Variants in MGAT5 observed in about 807,000 individuals in gnomAD.
The protein encoded by MGAT5 is alpha-1,6-mannosylglycoprotein 6-beta-N-acetylglucosaminyltransferase A.
MGAT5 carries 30 observed loss-of-function variants against 94.3 expected under a neutral mutation model. That is an observed-to-expected ratio of 0.32 (90% CI 0.24 to 0.43). The LOEUF (loss-of-function observed/expected upper bound fraction) is 0.43, where lower values mean the gene tolerates loss of function less well. MGAT5 is among the 20% of genes least tolerant of loss of function. The pLI is 1.00. For synonymous variants in MGAT5, 310 were observed against 322.9 expected, an observed-to-expected ratio of 0.96 and a Z score of 0.43; for missense variants, 691 against 905.5, an observed-to-expected ratio of 0.76 and a Z score of 3.04.
Position 134,265,987 on chromosome 2 carries a change from G to T in MGAT5, c.242-4399G>T, listed in dbSNP as rs1246029284. On this transcript the variant is annotated intron_variant, in intron 1 of 15. Transcript: ENST00000281923. ...GTTTGAGACCAGCCTGACCAAGATG[G>T]TGAAACCCCATCTCTACTAAAAATA... Among the ~76,000 whole-genome samples, 4 of 151,780 alleles carry T rather than the reference G, an allele frequency of 2.6e-5. No homozygotes were observed. The East Asian group carries it at 5.9e-4, about 22-fold the overall frequency.
At chr2:134,308,290 A>G (rs1686450231) in intron 2 of MGAT5, among the ~76,000 whole-genome samples, 1 of 152,164 alleles carries the variant, frequency 6.6e-6, no homozygotes, top group South Asian at 2.1e-4. Flanking sequence ...GTTTAAACTA[A>G]GTTGCTGCAA....
intron 1 of MGAT5, among the ~76,000 whole-genome samples, chr2:134,217,238 G>GTGTGTGTGTGTGTGT (rs1553495170): frequency 3.1e-4 from 45 of 145,114 alleles, no homozygotes; most frequent in African/African-American, 1.2e-3. Context: ...GAGAGAGAGT[G>GTGTGTGTGTGTGTGT]GTGTGTGTGT....
intron 10 of MGAT5, among the ~76,000 whole-genome samples, chr2:134,393,233 A>G (rs780126478): frequency 1.3e-5 from 2 of 152,274 alleles, no homozygotes; most frequent in East Asian, 3.9e-4. Flanking sequence ...CTTGACCCCA[A>G]ACTGCCTGCT....
At chr2:134,263,337 C>A (rs566070239) in intron 1 of MGAT5, among the ~76,000 whole-genome samples, 73 of 152,218 alleles carry the variant, frequency 4.8e-4, no homozygotes, top group African/African-American at 1.7e-3. Context: ...GATCTTTTAC[C>A]AGATTTCGAT....
chr2:134,423,142 C>T (rs373256999), intron 13 of MGAT5, among the ~76,000 whole-genome samples: 2 of 152,100 alleles, frequency 1.3e-5, no homozygotes, highest in African/African-American at 2.4e-5. Flanking sequence ...TTCCATAGAC[C>T]GTTTAGACAT....
At chr2:134,425,931 A>T (rs1684564739) in intron 13 of MGAT5, among the ~76,000 whole-genome samples, 1 of 151,860 alleles carries the variant, frequency 6.6e-6, no homozygotes, top group South Asian at 2.1e-4. Flanking sequence ...GATGCCCAAG[A>T]ATACTTCCTT....
chr2:134,264,023 T>TTTTA (rs1315553578), intron 1 of MGAT5, among the ~76,000 whole-genome samples: 18 of 142,640 alleles, frequency 1.3e-4, no homozygotes, highest in African/African-American at 4.6e-4. Flanking sequence ...TTAGGTTTTT[T>TTTTA]TTTTTTTTTT....
chr2:134,130,541 CTG>C (rs1686102346), intron 1 of MGAT5, among the ~76,000 whole-genome samples: 1 of 152,226 alleles, frequency 6.6e-6, no homozygotes, highest in Non-Finnish European at 1.5e-5. Context: ...AATCAGCACT[CTG>C]TGTCTGGCTC....
chr2:134,122,174 G>A (rs371688639), intron 1 of MGAT5, among the ~76,000 whole-genome samples: 5 of 151,608 alleles, frequency 3.3e-5, no homozygotes, highest in African/African-American at 1.2e-4. Context: ...GTGCGATCTC[G>A]GCTCACTGCA....
chr2:134,387,301 GATATATATAT>G (rs1553458949), intron 10 of MGAT5, among the ~76,000 whole-genome samples: 5,548 of 42,556 alleles, frequency 0.13, 644 homozygotes, highest in Middle Eastern at 0.43. Context: ...AGTTATGTAT[GATATATATAT>G]ATATATATAT....
chr2:134,142,601 C>T (rs971017803), intron 1 of MGAT5, among the ~76,000 whole-genome samples: 3 of 152,212 alleles, frequency 2.0e-5, no homozygotes, highest in Admixed American at 6.5e-5. Context: ...ACATGCTTCA[C>T]ATGACCAAAG....
At chr2:134,379,646 G>A (rs1171052551) in intron 10 of MGAT5, among the ~76,000 whole-genome samples, 1 of 152,212 alleles carries the variant, frequency 6.6e-6, no homozygotes, top group East Asian at 1.9e-4. Flanking sequence ...GACTGCAGGC[G>A]TTATGAGGGC....
chr2:134,191,889 C>A (rs1679220453), intron 1 of MGAT5, among the ~76,000 whole-genome samples: 1 of 145,030 alleles, frequency 6.9e-6, no homozygotes, highest in Admixed American at 6.9e-5. Flanking sequence ...TGGGTGAGTT[C>A]ACGCCCTCTT....
intron 14 of MGAT5, among the ~76,000 whole-genome samples, chr2:134,435,871 CAG>C (rs995886367): frequency 2.0e-5 from 3 of 152,272 alleles, no homozygotes; most frequent in African/African-American, 7.2e-5. Flanking sequence ...TTGAATGAAA[CAG>C]AGGATTCCCA....
At position 134,145,212 on chromosome 2, in the gene MGAT5, CTCTG is replaced by C. The variant is rs1185691536; in HGVS notation, c.-143+24923_-143+24926del. 1.7e-3 allele frequency among the ~76,000 whole-genome samples: 193 copies of C among 113,770 alleles called. 1 individual carries two copies. The highest frequency in any genetic ancestry group is 0.014 in the Middle Eastern group (3 of 220). 74.6% of individuals were successfully genotyped at this position (113,770 alleles called of 152,430 possible). On this transcript the variant is annotated intron_variant, in intron 1 of 16. Transcript: ENST00000409645. The stretch of plus-strand genomic sequence containing the variant: ...AAGTAAGGTGTGTGTGTGTCTCTCT[CTCTG>C]TGTGTGTGTGTGTGTGTGTGTGTGT...
intron 1 of MGAT5, among the ~76,000 whole-genome samples, chr2:134,168,597 A>G (rs72843950): frequency 0.017 from 2,583 of 152,336 alleles, 27 homozygotes; most frequent in Non-Finnish European, 0.026. Flanking sequence ...TGAAGCTAGT[A>G]TTGTAATTGT....
intron 1 of MGAT5, among the ~76,000 whole-genome samples, chr2:134,248,817 A>T (rs1682427177): frequency 6.6e-6 from 1 of 152,100 alleles, no homozygotes; most frequent in South Asian, 2.1e-4. Flanking sequence ...TCCTCTGAGG[A>T]GGCAGGCCCT....
chr2:134,201,197 A>G (rs989100798), intron 1 of MGAT5, among the ~76,000 whole-genome samples: 8 of 151,954 alleles, frequency 5.3e-5, no homozygotes, highest in African/African-American at 1.9e-4. Context: ...TGCCCTCTGG[A>G]GGGCCGCTTT....
intron 1 of MGAT5, among the ~76,000 whole-genome samples, chr2:134,209,181 T>A (rs1288923348): frequency 9.5e-5 from 2 of 20,988 alleles, no homozygotes; most frequent in Non-Finnish European, 1.3e-4. Context: ...TTTTTTTTTT[T>A]ATTTTTTAAT....
Sources: allele counts gnomAD v4.1 joint callset (sites outside exome capture counted in the v4.1 genomes callset), GRCh38; gene constraint gnomAD v4.1.1; transcripts MANE v1.5; gene names NCBI Gene and HGNC (gene_info 2026-07-23, HGNC 2026-07-21).